Variants in LIN28B observed in about 807,000 individuals in gnomAD.
LIN28B encodes protein lin-28 homolog B.
A neutral mutation model predicts 21.9 loss-of-function variants in LIN28B; 5 were observed. The ratio of observed to expected loss-of-function variants is 0.23; its 90% CI spans 0.12 to 0.48. The LOEUF (loss-of-function observed/expected upper bound fraction) is 0.48. Ranked by LOEUF, LIN28B falls within the 20% of genes least tolerant of loss-of-function variation. The pLI is 0.98. For synonymous variants in LIN28B, 109 were observed against 111.3 expected, an observed-to-expected ratio of 0.98 and a Z score of 0.13; for missense variants, 245 against 310.5, an observed-to-expected ratio of 0.79 and a Z score of 1.58.
chr6:104,992,498 G>GTA (rs1238658042), intron 2 of LIN28B, among the ~76,000 whole-genome samples: 4 of 95,790 alleles, frequency 4.2e-5, no homozygotes, highest in African/African-American at 9.6e-5. Context: ...GTGTGTGTGT[G>GTA]TGTGTGTGTG....
chr6:105,008,729 G>GT (rs893975567), intron 2 of LIN28B, among the ~76,000 whole-genome samples: 1 of 151,698 alleles, frequency 6.6e-6, no homozygotes, highest in Non-Finnish European at 1.5e-5. Flanking sequence ...CTTATTTTGT[G>GT]TATTGTCTAC....
chr6:104,957,857 T>C (rs1006299613), intron 1 of LIN28B, among the ~76,000 whole-genome samples: 12 of 152,040 alleles, frequency 7.9e-5, no homozygotes, highest in African/African-American at 2.4e-4. Context: ...TACACGTATG[T>C]ATAGAAACGT....
At chr6:104,982,424 G>A (rs1562080698) in intron 2 of LIN28B, among the ~76,000 whole-genome samples, 1 of 152,128 alleles carries the variant, frequency 6.6e-6, no homozygotes, top group Non-Finnish European at 1.5e-5. Context: ...AAATAGTTGT[G>A]TGGTACATTA....
In LIN28B at chr6:104,960,701, A is replaced by C. The variant is rs989703035; in HGVS notation, c.198+2415A>C. On this transcript the variant is annotated intron_variant, in intron 2 of 3. Transcript: ENST00000345080. ...ATTTGTGTCCTTAATAAATACATAA[A>C]AATTTATGCTGAGGAACCTAGGATA... Among the ~76,000 whole-genome samples, 4 of 152,128 alleles carry C rather than the reference A, an allele frequency of 2.6e-5. No homozygotes were observed. The East Asian group carries it at 7.7e-4, about 29-fold the overall frequency.
At position 104,991,814 on chromosome 6, in the gene LIN28B, C is replaced by G. The variant is rs544385223; in HGVS notation, c.198+33528C>G. ...TCACTCGCGGTTAGGAGCTGGAGAC[C>G]AGCCCGGCCAACACAGCGAAACCCC... is the stretch of plus-strand genomic sequence containing the variant. On this transcript the variant is annotated intron_variant, in intron 2 of 3. Coordinates refer to ENST00000345080, the MANE Select transcript of LIN28B (RefSeq NM_001004317.4). 1.2e-4 allele frequency among the ~76,000 whole-genome samples: 19 copies of G among 152,294 alleles called. No homozygotes were observed. In the East Asian group the frequency reaches 3.1e-3, roughly 25 times the overall value.
intron 3 of LIN28B, among the ~76,000 whole-genome samples, chr6:105,036,202 A>G (rs1029083530): frequency 6.6e-6 from 1 of 150,926 alleles, no homozygotes; most frequent in African/African-American, 2.4e-5. Flanking sequence ...ATTCCCCACA[A>G]CTCTTTATTT....
At chr6:104,966,965 C>T (rs1769875233) in intron 2 of LIN28B, among the ~76,000 whole-genome samples, 1 of 151,736 alleles carries the variant, frequency 6.6e-6, no homozygotes, top group Admixed American at 6.6e-5. Context: ...GGGGTCTCCC[C>T]ATGTTGCCCA....
chr6:105,039,324 A>G (rs1771585773), intron 3 of LIN28B, among the ~76,000 whole-genome samples: 2 of 152,212 alleles, frequency 1.3e-5, no homozygotes, highest in Non-Finnish European at 2.9e-5. Flanking sequence ...TTGTAGTAAC[A>G]AAAAACTAGA....
chr6:104,945,251 T>C (rs1210699426), intron 2 of LIN28B, among the ~76,000 whole-genome samples: 1 of 152,112 alleles, frequency 6.6e-6, no homozygotes, highest in Non-Finnish European at 1.5e-5. Context: ...TTATTTGCTA[T>C]TACATTTATT....
chr6:105,044,954 C>T (rs1327637685), intron 3 of LIN28B, among the ~76,000 whole-genome samples: 5 of 152,048 alleles, frequency 3.3e-5, no homozygotes, highest in Non-Finnish European at 2.9e-5. Context: ...ATCACTTCAG[C>T]CCAGGAGTTC....
intron 3 of LIN28B, among the ~76,000 whole-genome samples, chr6:105,052,645 T>C (rs539971546): frequency 6.6e-6 from 1 of 152,348 alleles, no homozygotes; most frequent in East Asian, 1.9e-4. Context: ...GAATGAGTCC[T>C]TTTTATGTAA....
At chr6:104,990,589 C>A (rs1483552888) in intron 2 of LIN28B, among the ~76,000 whole-genome samples, 2 of 139,540 alleles carry the variant, frequency 1.4e-5, no homozygotes, top group African/African-American at 5.3e-5. Flanking sequence ...TTTTATTGAT[C>A]ATTCTTGGGT....
At chr6:104,957,970 C>A (rs1778314405) in intron 1 of LIN28B, 129 bp from the exon 2 acceptor site, 1 of 526,850 alleles carries the variant, frequency 1.9e-6, no homozygotes, top group Non-Finnish European at 3.3e-6. Context: ...GAAATCAAAC[C>A]ATTAAAAAAA....
intron 2 of LIN28B, among the ~76,000 whole-genome samples, chr6:104,999,273 G>A (rs545815379): frequency 6.6e-6 from 1 of 152,202 alleles, no homozygotes; most frequent in South Asian, 2.1e-4. Flanking sequence ...CAGAGCAGCT[G>A]GGACTATAGG....
chr6:104,937,350 C>T (rs1484261431), intron 2 of LIN28B, among the ~76,000 whole-genome samples: 1 of 152,088 alleles, frequency 6.6e-6, no homozygotes, highest in Non-Finnish European at 1.5e-5. Flanking sequence ...GGTGCAGGGC[C>T]GCAGTCTCGG....
At chr6:105,013,734 A>C (rs1338815594) in intron 2 of LIN28B, among the ~76,000 whole-genome samples, 3 of 152,174 alleles carry the variant, frequency 2.0e-5, no homozygotes, top group Non-Finnish European at 2.9e-5. Context: ...AAAAAAAAAA[A>C]AAAAATTTAC....
At position 104,958,189 on chromosome 6, in the gene LIN28B, G is replaced by C. The variant is rs1769618387; in HGVS notation, c.101G>C (p.Cys34Ser). The C allele has an allele frequency of 6.2e-7, 1 of 1,609,340 alleles. No individual in the cohort carries two copies. Residue 34 changes from cysteine (C) to serine (S), a missense_variant, in exon 2 of 4, where the codon TGT becomes TCT. Cys to Ser is a moderately radical substitution (Grantham distance 112). Transcript: ENST00000345080. ...ESQVLRGTGH[C>S]KWFNVRMGFG... ...CAGGTTTTGCGCGGAACTGGCCACT[G>C]TAAGTGGTTCAATGTGCGCATGGGA...
At chr6:104,940,793 C>T (rs1778075529) in intron 2 of LIN28B, 1 of 151,480 alleles carries the variant, frequency 6.6e-6, no homozygotes, top group South Asian at 2.1e-4. Flanking sequence ...GGCCGCGCGC[C>T]GCCCGGCTGT....
chr6:105,003,611 T>G (rs1038571825), intron 2 of LIN28B, among the ~76,000 whole-genome samples: 3 of 152,000 alleles, frequency 2.0e-5, no homozygotes, highest in African/African-American at 7.3e-5. Context: ...CTCCCTGGTT[T>G]GAGTGATTCT....
Sources: allele counts gnomAD v4.1 joint callset (sites outside exome capture counted in the v4.1 genomes callset), GRCh38; gene constraint gnomAD v4.1.1; transcripts MANE v1.5; gene names NCBI Gene and HGNC (gene_info 2026-07-23, HGNC 2026-07-21).